The following AUTS2 variants were observed in gnomAD, a reference collection of about 807,000 sequenced individuals.
AUTS2 encodes activator of transcription and developmental regulator AUTS2, also known as autism susceptibility gene 2 protein.
In AUTS2, 17 loss-of-function variants were observed where a neutral mutation model predicts 112.4. The ratio of observed to expected loss-of-function variants is 0.15; its 90% CI spans 0.10 to 0.23. The LOEUF (loss-of-function observed/expected upper bound fraction) is 0.23, where lower values mean the gene tolerates loss of function less well. AUTS2 is among the 10% of genes least tolerant of loss of function. AUTS2 has a pLI of 1.00. For missense variants in AUTS2, 1,510 were observed against 1,701.6 expected (o/e 0.89, Z 1.98); for synonymous variants, 751 against 702.7 (o/e 1.07, Z -1.09).
At chr7:70,165,134 T>C (rs1808313767) in intron 4 of AUTS2, among the ~76,000 whole-genome samples, 1 of 152,146 alleles carries the variant, frequency 6.6e-6, no homozygotes, top group African/African-American at 2.4e-5. Context: ...ATAAGTGACC[T>C]TGAGGATAGG....
chr7:70,741,207 T>G (rs557926055), intron 6 of AUTS2, among the ~76,000 whole-genome samples: 22 of 152,196 alleles, frequency 1.4e-4, no homozygotes, highest in African/African-American at 5.1e-4. Flanking sequence ...TTCCCTAATT[T>G]TATAGTCAGT....
intron 4 of AUTS2, among the ~76,000 whole-genome samples, chr7:70,345,786 C>T (rs1401267622): frequency 6.6e-6 from 1 of 152,138 alleles, no homozygotes; most frequent in Non-Finnish European, 1.5e-5. Context: ...ATCGTTTGAT[C>T]CAGAATGGAG....
At chr7:69,899,013 A>C (rs536215413) in intron 1 of AUTS2, among the ~76,000 whole-genome samples, 4 of 152,318 alleles carry the variant, frequency 2.6e-5, no homozygotes, top group African/African-American at 9.6e-5. Flanking sequence ...CTGCTATCCC[A>C]GGGAGCAGTG....
intron 4 of AUTS2, among the ~76,000 whole-genome samples, chr7:70,414,201 C>G (rs893953210): frequency 2.0e-5 from 3 of 152,198 alleles, no homozygotes; most frequent in Admixed American, 6.5e-5. Context: ...GCGCCTGTTA[C>G]CTTTCCTTTC....
At chr7:69,999,318 C>T (rs1158156492) in intron 2 of AUTS2, among the ~76,000 whole-genome samples, 1 of 152,128 alleles carries the variant, frequency 6.6e-6, no homozygotes, top group Admixed American at 6.5e-5. Context: ...GGTTATACCA[C>T]AGTTACTTGT....
intron 2 of AUTS2, among the ~76,000 whole-genome samples, chr7:70,089,504 T>C (rs181431700): frequency 9.8e-4 from 150 of 152,292 alleles, no homozygotes; most frequent in African/African-American, 3.6e-3. Context: ...AGAGTCCATT[T>C]TTTTTAAGAG....
chr7:69,857,181 G>A (rs562979046), intron 1 of AUTS2, among the ~76,000 whole-genome samples: 6 of 152,118 alleles, frequency 3.9e-5, no homozygotes, highest in Admixed American at 3.9e-4. Context: ...AGGGCTCCTC[G>A]TCTGCTCCCC....
chr7:70,307,818 G>A (rs1334457613), intron 4 of AUTS2, among the ~76,000 whole-genome samples: 1 of 151,908 alleles, frequency 6.6e-6, no homozygotes, highest in Non-Finnish European at 1.5e-5. Flanking sequence ...ATAAAATATA[G>A]GATATAACCT....
At chr7:70,505,060 C>T (rs1311956636) in intron 5 of AUTS2, among the ~76,000 whole-genome samples, 1 of 152,188 alleles carries the variant, frequency 6.6e-6, no homozygotes, top group African/African-American at 2.4e-5. Context: ...GAGACTCTAA[C>T]TCAGTGAATC....
intron 11 of AUTS2, among the ~76,000 whole-genome samples, chr7:70,773,260 T>C (rs963959421): frequency 6.6e-6 from 1 of 152,208 alleles, no homozygotes; most frequent in African/African-American, 2.4e-5. Context: ...GGGGTGTTCA[T>C]AGAAGTTGTG....
At chr7:69,793,461 A>C (rs1789708357) in intron 1 of AUTS2, among the ~76,000 whole-genome samples, 1 of 152,180 alleles carries the variant, frequency 6.6e-6, no homozygotes, top group African/African-American at 2.4e-5. Context: ...CAGTCCTGAC[A>C]CAGAACTATG....
chr7:70,732,873 C>T (rs963265778), intron 6 of AUTS2, among the ~76,000 whole-genome samples: 2 of 152,174 alleles, frequency 1.3e-5, no homozygotes, highest in African/African-American at 4.8e-5. Flanking sequence ...AGTTATCTGG[C>T]CTCATAACAC....
chr7:69,658,567 G>C (rs1795648231), intron 1 of AUTS2, among the ~76,000 whole-genome samples: 1 of 152,092 alleles, frequency 6.6e-6, no homozygotes. Context: ...GGGATGCAGA[G>C]ACACCAAGAG....
At chr7:70,360,134 C>CT (rs998443284) in intron 4 of AUTS2, among the ~76,000 whole-genome samples, 13 of 152,010 alleles carry the variant, frequency 8.6e-5, no homozygotes, top group East Asian at 1.9e-4. Context: ...AAGCAAGTAT[C>CT]TTTTTTTTAA....
At chr7:69,846,807 C>G (rs756603884) in intron 1 of AUTS2, among the ~76,000 whole-genome samples, 15 of 152,310 alleles carry the variant, frequency 9.8e-5, no homozygotes, top group Non-Finnish European at 1.8e-4. Flanking sequence ...CTCCTGGCCT[C>G]AAGTGATCCG....
intron 2 of AUTS2, among the ~76,000 whole-genome samples, chr7:70,096,651 A>T (rs900480862): frequency 4.0e-5 from 6 of 151,838 alleles, no homozygotes; most frequent in South Asian, 2.1e-4. Context: ...TGTGTAAAGG[A>T]CTATACTCAT....
At chr7:70,236,023 C>T (rs1812309790) in intron 4 of AUTS2, among the ~76,000 whole-genome samples, 2 of 152,134 alleles carry the variant, frequency 1.3e-5, no homozygotes, top group Admixed American at 1.3e-4. Context: ...ATTTTCTTAG[C>T]ACTTATCACT....
intron 1 of AUTS2, among the ~76,000 whole-genome samples, chr7:69,826,892 T>G: frequency 6.6e-6 from 1 of 152,200 alleles, no homozygotes; most frequent in East Asian, 1.9e-4. Flanking sequence ...ATGTGTTCTA[T>G]GCTGTCTACC....
chr7:69,783,132 G>A (rs935584221), intron 1 of AUTS2, among the ~76,000 whole-genome samples: 4 of 112,832 alleles, frequency 3.5e-5, no homozygotes, highest in Non-Finnish European at 6.9e-5. Flanking sequence ...TATCCCACTT[G>A]ACATTGCCAA....
Sources: gnomAD v4.1 joint callset for allele counts (sites outside exome capture counted in the v4.1 genomes callset) on GRCh38, gnomAD v4.1.1 for gene constraint, MANE v1.5 for transcripts, NCBI Gene and HGNC (gene_info 2026-07-23, HGNC 2026-07-21) for gene names.